The following LRRC49 variants were observed in gnomAD, a reference collection of about 807,000 sequenced individuals.
LRRC49 encodes leucine rich repeat containing 49, also known as leucine-rich repeat-containing protein 49.
LRRC49 carries 50 observed loss-of-function variants against 83.3 expected under a neutral mutation model. That is an observed-to-expected ratio of 0.60 (90% CI 0.48 to 0.76). LRRC49 has a LOEUF of 0.76. LRRC49 is among the 30% of genes least tolerant of loss of function. The pLI is 0.00. For missense variants in LRRC49, 704 were observed against 809.1 expected (o/e 0.87, Z 1.58); for synonymous variants, 286 against 283.3 (o/e 1.01, Z -0.10).
At chr15:70,909,839 AACACACACACACACACACAC>A (rs146189261) in intron 5 of LRRC49, among the ~76,000 whole-genome samples, 1 of 136,090 alleles carries the variant, frequency 7.3e-6, no homozygotes, top group African/African-American at 2.8e-5. Context: ...CTCCATCTCA[AACACACACACACACACACAC>A]ACACACACAC....
At chr15:70,980,253 TAGTCTACTGGAAA>T (rs2037353121) in intron 10 of LRRC49, 69 bp downstream of exon 10, 4 of 1,055,264 alleles carry the variant, frequency 3.8e-6, no homozygotes, top group Non-Finnish European at 4.2e-6. Flanking sequence ...GCCAGCTAGC[TAGTCTACTGGAAA>T]AGTGGTTTCT....
At chr15:70,862,235 C>CGGGAGG (rs2032806361) in intron 1 of LRRC49, among the ~76,000 whole-genome samples, 1 of 152,128 alleles carries the variant, frequency 6.6e-6, no homozygotes, top group Non-Finnish European at 1.5e-5. Context: ...CAGAAATTCT[C>CGGGAGG]AACTTAAGTT....
At chr15:70,891,223 T>C (rs2141092395), upstream of LRRC49, among the ~76,000 whole-genome samples, 1 of 152,280 alleles carries the variant, frequency 6.6e-6, no homozygotes. Flanking sequence ...GTGCAAACAA[T>C]GTTTAGAAGG....
intron 11 of LRRC49, among the ~76,000 whole-genome samples, chr15:71,000,978 G>A (rs2141251187): frequency 6.6e-6 from 1 of 151,962 alleles, no homozygotes; most frequent in East Asian, 1.9e-4. Context: ...TCTCGTACAT[G>A]CCTTTGACTT....
intron 1 of LRRC49, among the ~76,000 whole-genome samples, chr15:70,862,317 G>A (rs553693448): frequency 1.8e-4 from 27 of 152,222 alleles, no homozygotes; most frequent in African/African-American, 5.1e-4. Context: ...GGTGGCTCAC[G>A]CCTGTAATCC....
intron 1 of LRRC49, among the ~76,000 whole-genome samples, chr15:70,861,119 A>C (rs2032778649): frequency 6.6e-6 from 1 of 152,224 alleles, no homozygotes. Flanking sequence ...GTATTTTGAT[A>C]TATTTTTGTC....
chr15:70,873,857 T>C (rs1341579081), intron 2 of LRRC49, among the ~76,000 whole-genome samples: 1 of 152,152 alleles, frequency 6.6e-6, no homozygotes, highest in Non-Finnish European at 1.5e-5. Context: ...AGTGGAGAAA[T>C]AGATTTTACC....
rs1009470984 is a variant in LRRC49, at chr15:70,860,216, T to TG, written c.-299+6749dup. ...CCCTCCTGCGGCTGCCCCAGGGCCC[T>TG]GGAGGAGGCCGCTGTGCATGGTATC... On this transcript the variant is annotated intron_variant, in intron 1 of 16. Transcript: ENST00000544974. The TG allele has an allele frequency of 3.6e-4, 214 of 601,310 alleles. No individual in the cohort carries two copies. The African/African-American group carries it at 4.1e-3, about 12-fold the overall frequency. The allele number at this position is 601,310 out of a possible 1,614,324, so 37.2% of individuals were successfully genotyped here.
chr15:70,962,999 G>C (rs562399304), intron 8 of LRRC49, among the ~76,000 whole-genome samples: 95 of 152,132 alleles, frequency 6.2e-4, no homozygotes, highest in African/African-American at 2.3e-3. Flanking sequence ...GGGCATAGTG[G>C]TCATGCCTGT....
At chr15:70,904,118 T>C (rs960200097) in intron 4 of LRRC49, among the ~76,000 whole-genome samples, 19 of 152,112 alleles carry the variant, frequency 1.2e-4, no homozygotes, top group African/African-American at 3.6e-4. Flanking sequence ...TCTCTGAGAT[T>C]TTTATATGTT....
chr15:70,988,154 G>T (rs1266911432), intron 11 of LRRC49, among the ~76,000 whole-genome samples: 1 of 151,384 alleles, frequency 6.6e-6, no homozygotes, highest in Non-Finnish European at 1.5e-5. Flanking sequence ...TATTAGGTCT[G>T]CTTGGTGCAG....
At chr15:70,922,285 A>G (rs2035035135) in intron 7 of LRRC49, among the ~76,000 whole-genome samples, 1 of 152,202 alleles carries the variant, frequency 6.6e-6, no homozygotes, top group South Asian at 2.1e-4. Context: ...CTAAGTGTCC[A>G]TTAACAGATG....
upstream of LRRC49, chr15:70,892,434 G>A (rs2033620832): frequency 6.5e-7 from 1 of 1,536,346 alleles, no homozygotes; most frequent in Non-Finnish European, 8.7e-7. Flanking sequence ...GTGGCGATCT[G>A]GGGCCCCCAA....
At chr15:71,027,292 A>C (rs966957831) in intron 14 of LRRC49, among the ~76,000 whole-genome samples, 3 of 152,000 alleles carry the variant, frequency 2.0e-5, no homozygotes, top group Admixed American at 6.5e-5. Context: ...GTTCTGTTCC[A>C]TTGGTCTATA....
chr15:71,004,366 A>C (rs1018016941), intron 11 of LRRC49, among the ~76,000 whole-genome samples: 1 of 152,240 alleles, frequency 6.6e-6, no homozygotes, highest in Non-Finnish European at 1.5e-5. Flanking sequence ...ATGTGGAATC[A>C]ATCTAAATGC....
chr15:70,887,285 T>A (rs1182628400), intron 2 of LRRC49, among the ~76,000 whole-genome samples: 2 of 152,100 alleles, frequency 1.3e-5, no homozygotes, highest in Admixed American at 6.5e-5. Context: ...ATAATCTTCA[T>A]ACCAAACCTG....
intron 11 of LRRC49, among the ~76,000 whole-genome samples, chr15:70,999,222 TG>T (rs1209096004): frequency 6.6e-6 from 1 of 152,224 alleles, no homozygotes; most frequent in East Asian, 1.9e-4. Context: ...TAGTCTTTCT[TG>T]TTTCTTTGTA....
intron 11 of LRRC49, among the ~76,000 whole-genome samples, chr15:70,989,163 C>G (rs549963681): frequency 6.6e-6 from 1 of 152,230 alleles, no homozygotes; most frequent in South Asian, 2.1e-4. Context: ...CTCTGTATTT[C>G]CTGAATCTGA....
At position 71,052,803 on chromosome 15, in the gene LRRC49, C is replaced by T. The variant is rs1239514124; in HGVS notation, c.*3191C>T. ...GGTATTTCAACCAATAAATAGTAGA[C>T]AGTACCCACATTCACTGTTAGTCTT... is the stretch of plus-strand genomic sequence containing the variant. On this transcript the variant is annotated 3_prime_UTR_variant, in exon 16 of 16. Coordinates refer to ENST00000260382, the MANE Select transcript of LRRC49 (RefSeq NM_017691.5). 1 of 152,116 alleles carries T rather than the reference C, an allele frequency of 6.6e-6. No individual in the cohort carries two copies. Among genetic ancestry groups the T allele is most frequent in the African/African-American group, 2.4e-5 (1 of 41,424 alleles). 9.4% of individuals were successfully genotyped at this position (152,116 alleles called of 1,614,324 possible).
Sources: allele counts gnomAD v4.1 joint callset (sites outside exome capture counted in the v4.1 genomes callset), GRCh38; gene constraint gnomAD v4.1.1; transcripts MANE v1.5; gene names NCBI Gene and HGNC (gene_info 2026-07-23, HGNC 2026-07-21).